YBX2: variants seen among roughly 807,000 people sequenced by gnomAD.
YBX2 encodes the protein Y-box binding protein 2.
Under a neutral mutation model 44.4 loss-of-function variants are expected in YBX2, and 5 were observed. The observed-to-expected ratio is 0.11, with a 90% confidence interval of 0.06 to 0.24. The LOEUF is 0.24. YBX2 is among the 10% of genes least tolerant of loss of function. The pLI, the probability that YBX2 is intolerant of heterozygous loss-of-function variation, is 1.00. For missense variants in YBX2, 417 were observed against 526.9 expected, an observed-to-expected ratio of 0.79 and a Z score of 2.04; for synonymous variants, 188 against 216.1, an observed-to-expected ratio of 0.87 and a Z score of 1.14.
Position 7,289,411 on chromosome 17 carries a change from TGGCAGGGCCAG to T in YBX2, c.1044+108_1044+118del, listed in dbSNP as rs143122554. 1.1e-3 allele frequency: 1,566 copies of T among 1,431,182 alleles called. 11 individuals are homozygous for T. The African/African-American group carries it at 0.022, about 20-fold the overall frequency. The allele number at this position is 1,431,182 out of a possible 1,614,324, so 88.7% of individuals were successfully genotyped here. On this transcript the variant is annotated intron_variant, in intron 7 of 8. Transcript: ENST00000007699. Reference sequence around the variant, plus strand: ...CAGCAGGCTGCATGGAAGAGGGTGGTGGCAGGGCCAGGGCAGGGGAGGGGAGGAGCCAAAGG... The same window carrying T: ...CAGCAGGCTGCATGGAAGAGGGTGGTGGCAGGGGAGGGGAGGAGCCAAAGG...
chr17:7,292,409 C>G, intron 2 of YBX2: 1 of 317,714 alleles, frequency 3.1e-6, no homozygotes, highest in South Asian at 3.7e-5. Flanking sequence ...TGCAACTGTC[C>G]CTGGCCAACA....
intron 7 of YBX2, 152 bp from the exon 8 acceptor site, chr17:7,288,990 T>C (rs1290546416): frequency 2.1e-6 from 2 of 972,216 alleles, no homozygotes; most frequent in Non-Finnish European, 1.6e-6. Context: ...GCCTCCCAAG[T>C]AGCTGGGATT....
chr17:7,291,259 C>T lies in YBX2; in HGVS notation c.370-77G>A. 1 of 1,388,474 alleles carries T rather than the reference C, an allele frequency of 7.2e-7. No individual in the cohort carries two copies. Among genetic ancestry groups the T allele is most frequent in the Non-Finnish European group, 1.0e-6 (1 of 980,798 alleles). 86.0% of individuals were successfully genotyped at this position (1,388,474 alleles called of 1,614,324 possible). ...TGTCACCCCTGCTGGGGCCACCACC[C>T]AATTTCATTCTTTCAACATTTGACT... On this transcript the variant is annotated intron_variant, in intron 3 of 8. Coordinates refer to ENST00000007699, the MANE Select transcript of YBX2 (RefSeq NM_015982.4). The surrounding 1 kb of genome is among the most constrained non-coding windows in gnomAD (Gnocchi z 5.8).
intron 5 of YBX2, 78 bp downstream of exon 5, chr17:7,290,173 G>T: frequency 6.2e-7 from 1 of 1,611,450 alleles, no homozygotes; most frequent in South Asian, 1.1e-5. Flanking sequence ...CTTCTTTGGG[G>T]ACCCATGGTC....
intron 4 of YBX2, 69 bp from the exon 5 acceptor site, chr17:7,290,604 C>T (rs1321565602): frequency 2.6e-6 from 4 of 1,563,872 alleles, no homozygotes; most frequent in Non-Finnish European, 3.5e-6. Flanking sequence ...AACTTGCTTC[C>T]CCTTCTTTCA....
Position 7,291,319 on chromosome 17 carries a change from G to T in YBX2, c.370-137C>A. On this transcript the variant is annotated intron_variant, in intron 3 of 8. Coordinates refer to ENST00000007699, the MANE Select transcript of YBX2 (RefSeq NM_015982.4). This position sits in a 1 kb window ranked among gnomAD's most constrained non-coding sequence, Gnocchi z 5.8. ...GAGCTGGAGGGTGGAGCAAGGAGGT[G>T]GTCAAAGTTTAGCAGGGGAAAAGTC... 1 of 852,060 alleles carries T rather than the reference G, an allele frequency of 1.2e-6. No homozygotes were observed. 52.8% of individuals were successfully genotyped at this position (852,060 alleles called of 1,614,324 possible). A position where few individuals can be genotyped will look rare whatever the true frequency, so the allele number is the denominator to read the frequency against.
chr17:7,289,962 TCTTAC>T lies in YBX2; in HGVS notation c.848+1_848+5del. The T allele has an allele frequency of 6.2e-7, 1 of 1,613,842 alleles. No homozygotes were observed. The highest frequency in any genetic ancestry group is 1.7e-5 in the Admixed American group (1 of 60,012). On this transcript the variant is annotated splice_donor_variant and splice_donor_5th_base_variant and intron_variant, in intron 6 of 8. Coordinates refer to ENST00000007699, the MANE Select transcript of YBX2 (RefSeq NM_015982.4). LOFTEE classifies it high-confidence loss of function. ...GGAAGACCAAGCCCCAGCAGGGGGG[TCTTAC>T]CTTCGGTACCTGGGCCGGAATCTGG...
chr17:7,289,484 GAGC>G, intron 7 of YBX2, 43 bp downstream of exon 7: 2 of 1,557,480 alleles, frequency 1.3e-6, no homozygotes, highest in Admixed American at 1.9e-5. Context: ...GTGGGGGAGG[GAGC>G]TGGTCTCAGC....
rs1048985728 is a variant in YBX2 at position 7,291,906 on chromosome 17, G to A, written c.369+120C>T. 1 of 1,316,628 alleles carries A rather than the reference G, an allele frequency of 7.6e-7. No homozygotes were observed. The highest frequency in any genetic ancestry group is 1.5e-5 in the African/African-American group (1 of 68,962). 81.6% of individuals were successfully genotyped at this position (1,316,628 alleles called of 1,614,324 possible). A position where few individuals can be genotyped will look rare whatever the true frequency, so the allele number is the denominator to read the frequency against. On this transcript the variant is annotated intron_variant, in intron 3 of 8. Transcript: ENST00000007699. This position sits in a 1 kb window ranked among gnomAD's most constrained non-coding sequence, Gnocchi z 5.8. Reference sequence around the variant, plus strand: ...ATGGTGGTTGACACAGGCACCCAAGGCGGATGGGCCGTTGTGAAGAAGAGC... The same window carrying A: ...ATGGTGGTTGACACAGGCACCCAAGACGGATGGGCCGTTGTGAAGAAGAGC...
chr17:7,293,702 C>T, intron 1 of YBX2, 164 bp from the exon 2 acceptor site: 1 of 1,376,110 alleles, frequency 7.3e-7, no homozygotes, highest in Non-Finnish European at 9.8e-7. Flanking sequence ...TCAAGGTATT[C>T]CTACCCTAGT....
chr17:7,294,568 C>T lies in YBX2; in HGVS notation c.-68G>A, dbSNP rs1447608346. On this transcript the variant is annotated 5_prime_UTR_variant, in exon 1 of 9. Coordinates refer to ENST00000007699, the MANE Select transcript of YBX2 (RefSeq NM_015982.4). The surrounding 1 kb of genome is among the most constrained non-coding windows in gnomAD (Gnocchi z 4.6). ...CCCTCCCCCCGGCTCGCGAACCCACCGCCCTGCTCGGTCCTCGCGCCCCGA... is the reference window on the plus strand; with the variant it reads ...CCCTCCCCCCGGCTCGCGAACCCACTGCCCTGCTCGGTCCTCGCGCCCCGA... 24 of 1,330,734 alleles carry T rather than the reference C, an allele frequency of 1.8e-5. No homozygotes were observed. Among genetic ancestry groups the T allele is most frequent in the Non-Finnish European group, 2.3e-5 (24 of 1,039,986 alleles). 82.4% of individuals were successfully genotyped at this position (1,330,734 alleles called of 1,614,324 possible).
rs766316395 is a variant in YBX2 at position 7,291,145 on chromosome 17, C to T, written c.407G>A (p.Arg136His). ...CACAGTCTCCCCATCTCCAACGCTG[C>T]GCAGAAACTTCCTGGGGTTGTTTCT... Reference protein sequence around the residue: ...IKRNNPRKFLRSVGDGETVEF... With the variant: ...IKRNNPRKFLHSVGDGETVEF... Residue 136 changes from arginine (R) to histidine (H), a missense_variant, in exon 4 of 9, where the codon CGC (arginine) becomes CAC (histidine). Transcript: ENST00000007699. The surrounding 1 kb of genome is among the most constrained non-coding windows in gnomAD (Gnocchi z 5.8). 10 of 1,613,746 alleles carry T rather than the reference C, an allele frequency of 6.2e-6. No individual in the cohort carries two copies. The highest frequency in any genetic ancestry group is 2.2e-5 in the East Asian group (1 of 44,892).
intron 7 of YBX2, 136 bp from the exon 8 acceptor site, chr17:7,288,974 G>A: frequency 9.0e-7 from 1 of 1,111,486 alleles, no homozygotes; most frequent in Non-Finnish European, 1.3e-6. Context: ...TGATTCTCCT[G>A]CCTTAGCCTC....
intron 2 of YBX2, chr17:7,293,161 A>G (rs905127416): frequency 4.5e-6 from 2 of 449,164 alleles, no homozygotes; most frequent in Non-Finnish European, 4.1e-6. Flanking sequence ...CCTATAATAC[A>G]TTCTGCCCCA....
At position 7,294,548 on chromosome 17, in the gene YBX2, C is replaced by A; in HGVS notation, c.-48G>T. 7.1e-7 allele frequency: 1 copy of A among 1,403,722 alleles called. No homozygotes were observed. 87.0% of individuals were successfully genotyped at this position (1,403,722 alleles called of 1,614,324 possible). A position where few individuals can be genotyped will look rare whatever the true frequency, so the allele number is the denominator to read the frequency against. On this transcript the variant is annotated 5_prime_UTR_variant, in exon 1 of 9. Coordinates refer to ENST00000007699, the MANE Select transcript of YBX2 (RefSeq NM_015982.4). This position sits in a 1 kb window ranked among gnomAD's most constrained non-coding sequence, Gnocchi z 4.6. ...ACAGCCGCCACCGCCCCGGCCCCTC[C>A]CCCCGGCTCGCGAACCCACCGCCCT...
Position 7,290,684 on chromosome 17 carries a change from G to A in YBX2, c.460-149C>T, listed in dbSNP as rs147445947. ...TTCTACCCTCCCTGGAGAGGCAGTG[G>A]AATGTGCTTGCACCCATTTGGGAAG... On this transcript the variant is annotated intron_variant, in intron 4 of 8. Coordinates refer to ENST00000007699, the MANE Select transcript of YBX2 (RefSeq NM_015982.4). 2.0e-3 allele frequency: 1,881 copies of A among 952,730 alleles called. 5 individuals are homozygous for A. Among genetic ancestry groups the A allele is most frequent in the Middle Eastern group, 4.6e-3 (18 of 3,906 alleles). The allele number at this position is 952,730 out of a possible 1,614,324, so 59.0% of individuals were successfully genotyped here.
chr17:7,291,395 C>T lies in YBX2; in HGVS notation c.370-213G>A, dbSNP rs761679247. 3.5e-5 allele frequency: 21 copies of T among 603,406 alleles called. No homozygotes were observed. The highest frequency in any genetic ancestry group is 1.2e-4 in the Admixed American group (5 of 40,214). The allele number at this position is 603,406 out of a possible 1,614,324, so 37.4% of individuals were successfully genotyped here. On this transcript the variant is annotated intron_variant, in intron 3 of 8. Coordinates refer to ENST00000007699, the MANE Select transcript of YBX2 (RefSeq NM_015982.4). The surrounding 1 kb of genome is among the most constrained non-coding windows in gnomAD (Gnocchi z 5.8). The stretch of plus-strand genomic sequence containing the variant: ...TGCAGTTACCACCATCCCCAGGATG[C>T]ACTCCCCGCACCTCCCCTCCCGCCC...
In YBX2 at chr17:7,290,146, C is replaced by T. The variant is rs1483404580; in HGVS notation, c.745-75G>A. ...GGAGCCAGATTATCCACAGCTCTGC[C>T]CAACCCTCAGTTCCTCCTTCTTTGG... is the stretch of plus-strand genomic sequence containing the variant. On this transcript the variant is annotated intron_variant, in intron 5 of 8. Coordinates refer to ENST00000007699, the MANE Select transcript of YBX2 (RefSeq NM_015982.4). 7 of 1,611,086 alleles carry T rather than the reference C, an allele frequency of 4.3e-6. No individual in the cohort carries two copies. The East Asian group carries it at 1.6e-4, about 36-fold the overall frequency.
Position 7,293,351 on chromosome 17 carries a change from C to T in YBX2, c.335+124G>A. On this transcript the variant is annotated intron_variant, in intron 2 of 8. Coordinates refer to ENST00000007699, the MANE Select transcript of YBX2 (RefSeq NM_015982.4). ...TGTGCTGCGGTTAAAGGCTTTCAAC[C>T]AGCATCAGCTGGACATTGCAACCAT... 2.6e-6 allele frequency: 4 copies of T among 1,540,986 alleles called. No homozygotes were observed. In the South Asian group the frequency reaches 4.7e-5, roughly 18 times the overall value.
Sources: allele counts gnomAD v4.1 joint callset, GRCh38; gene constraint gnomAD v4.1.1; non-coding constraint Gnocchi (gnomAD v3.1); transcripts MANE v1.5; gene names NCBI Gene and HGNC (gene_info 2026-07-23, HGNC 2026-07-21).